The following RHEX variants were observed in gnomAD, a reference collection of about 807,000 sequenced individuals.
RHEX encodes the protein regulator of hemoglobinization and erythroid cell expansion protein.
RHEX carries 18 observed loss-of-function variants against 20.1 expected under a neutral mutation model. That is an observed-to-expected ratio of 0.90 (90% confidence interval 0.62 to 1.33). RHEX has a LOEUF of 1.33. RHEX is among the 40% of genes most tolerant of loss of function. The probability of loss-of-function intolerance (pLI) is 0.00; values close to 1 mark genes in which losing one functional copy is unlikely to be tolerated. For missense variants in RHEX, 192 were observed against 214.3 expected (o/e 0.90, Z 0.65); for synonymous variants, 87 against 77.1 (o/e 1.13, Z -0.67).
Position 206,101,878 on chromosome 1 carries a change from C to T in RHEX, c.445C>T (p.His149Tyr). 6.2e-7 allele frequency: 1 copy of T among 1,614,000 alleles called. No homozygotes were observed. The highest frequency in any genetic ancestry group is 8.5e-7 in the Non-Finnish European group (1 of 1,179,944). Reference sequence around the variant, plus strand: ...TTATGTCAATGTCAATCCAGAAAGACACAAGCCCAGTTTCTGGTATTTTGT... The same window carrying T: ...TTATGTCAATGTCAATCCAGAAAGATACAAGCCCAGTTTCTGGTATTTTGT... Reference protein sequence around the residue: ...TDYVNVNPERHKPSFWYFVNP... With the variant: ...TDYVNVNPERYKPSFWYFVNP... The change falls in exon 6 of 6, where the codon CAC (histidine) becomes TAC (tyrosine). Residue 149 changes from histidine to tyrosine, a missense_variant. Transcript: ENST00000331555.
intron 1 of RHEX, among the ~76,000 whole-genome samples, chr1:206,073,609 C>T (rs1553284887): frequency 6.6e-6 from 1 of 152,054 alleles, no homozygotes; most frequent in Non-Finnish European, 1.5e-5. Context: ...TACTGGGCCC[C>T]GTGTTCTCAA....
At chr1:206,057,982 C>CT (rs1481297553) in intron 1 of RHEX, among the ~76,000 whole-genome samples, 1 of 152,268 alleles carries the variant, frequency 6.6e-6, no homozygotes, top group Non-Finnish European at 1.5e-5. Flanking sequence ...TCAAAATAGA[C>CT]TAGCTCTTGA....
intron 1 of RHEX, among the ~76,000 whole-genome samples, chr1:206,082,820 T>G (rs1453930141): frequency 6.6e-6 from 1 of 152,192 alleles, no homozygotes; most frequent in Non-Finnish European, 1.5e-5. Context: ...AGCAAGGGAC[T>G]GACATCATAG....
intron 1 of RHEX, among the ~76,000 whole-genome samples, chr1:206,083,889 G>C (rs562125133): frequency 2.0e-5 from 3 of 152,238 alleles, no homozygotes; most frequent in East Asian, 3.9e-4. Context: ...TTGGGGCTTC[G>C]GCCAGAAGGT....
In RHEX at chr1:206,097,854, C is replaced by G. The variant is rs369042827; in HGVS notation, c.11+15C>G. ...ATGCTGACAGAGTGAGTGGGCCCAA[C>G]AAGAGCAGGAGCAAGGTTCCCACCA... On this transcript the variant is annotated intron_variant, in intron 2 of 5. Transcript: ENST00000331555. 1.7e-5 allele frequency: 26 copies of G among 1,568,924 alleles called. No homozygotes were observed. The highest frequency in any genetic ancestry group is 1.5e-4 in the Admixed American group (9 of 59,976).
chr1:206,072,985 G>C (rs1662564959), intron 1 of RHEX, among the ~76,000 whole-genome samples: 1 of 151,938 alleles, frequency 6.6e-6, no homozygotes, highest in Admixed American at 6.6e-5. Flanking sequence ...CTATAAGCGT[G>C]CACTACCATG....
rs189329595 is a variant in RHEX, at chr1:206,060,286, A to T, written c.-97+7021A>T. The T allele has an allele frequency of 2.0e-5, 3 of 152,352 alleles. No individual in the cohort carries two copies. The East Asian group carries it at 5.8e-4, about 29-fold the overall frequency. The allele number at this position is 152,352 out of a possible 1,614,324, so 9.4% of individuals were successfully genotyped here. A position where few individuals can be genotyped will look rare whatever the true frequency, so the allele number is the denominator to read the frequency against. ...TGTGCCCAATATATACTAAGTTCACAATAAACAGTAGCTAATATTACCATT... is the reference window on the plus strand; with the variant it reads ...TGTGCCCAATATATACTAAGTTCACTATAAACAGTAGCTAATATTACCATT... On this transcript the variant is annotated intron_variant, in intron 1 of 5. Coordinates refer to ENST00000331555, the MANE Select transcript of RHEX (RefSeq NM_001007544.4).
intron 1 of RHEX, among the ~76,000 whole-genome samples, chr1:206,084,688 A>C (rs551092420): frequency 1.3e-5 from 2 of 152,196 alleles, no homozygotes; most frequent in Non-Finnish European, 2.9e-5. Flanking sequence ...AAACTACCCA[A>C]TTAAATGCCT....
At chr1:206,072,335 G>T (rs1662551819) in intron 1 of RHEX, among the ~76,000 whole-genome samples, 1 of 152,212 alleles carries the variant, frequency 6.6e-6, no homozygotes, top group African/African-American at 2.4e-5. Flanking sequence ...CAGCACTTTG[G>T]GAGGCCGAGG....
At chr1:206,064,880 G>T (rs1425741381) in intron 1 of RHEX, among the ~76,000 whole-genome samples, 1 of 147,998 alleles carries the variant, frequency 6.8e-6, no homozygotes, top group Admixed American at 6.6e-5. Flanking sequence ...TGGTTGCCGT[G>T]TCTGTGTAGA....
intron 1 of RHEX, among the ~76,000 whole-genome samples, chr1:206,055,391 C>T (rs1553282463): frequency 1.3e-5 from 2 of 152,248 alleles, no homozygotes; most frequent in Non-Finnish European, 2.9e-5. Flanking sequence ...CTTTATTGGG[C>T]ACTCTGCCGA....
intron 1 of RHEX, 23 bp from the exon 2 acceptor site, chr1:206,097,710 G>T: frequency 1.9e-6 from 3 of 1,552,296 alleles, no homozygotes; most frequent in South Asian, 2.3e-5. Flanking sequence ...CTGGAGTCCT[G>T]ACCAGCTCCT....
intron 1 of RHEX, among the ~76,000 whole-genome samples, chr1:206,069,957 A>G (rs567170334): frequency 6.8e-4 from 103 of 152,308 alleles, no homozygotes; most frequent in Non-Finnish European, 1.2e-3. Context: ...TATTGTTTAC[A>G]TATGAAGATA....
chr1:206,074,026 A>T (rs1294240609), intron 1 of RHEX, among the ~76,000 whole-genome samples: 1 of 152,008 alleles, frequency 6.6e-6, no homozygotes, highest in African/African-American at 2.4e-5. Flanking sequence ...ACTGCCTCGT[A>T]CCCGCTCCCC....
intron 1 of RHEX, among the ~76,000 whole-genome samples, chr1:206,095,836 AT>A (rs554363894): frequency 0.016 from 2,383 of 146,600 alleles, 51 homozygotes; most frequent in African/African-American, 0.054. Flanking sequence ...ATTTGGGGTA[AT>A]TTTTTTTTTT....
At chr1:206,088,447 T>C (rs1196217797) in intron 1 of RHEX, among the ~76,000 whole-genome samples, 2 of 152,018 alleles carry the variant, frequency 1.3e-5, no homozygotes, top group Non-Finnish European at 1.5e-5. Context: ...CTTTGGGAGA[T>C]TGAGGTGGGT....
chr1:206,063,368 GCCTCTCCCTCTC>G (rs368021574), intron 1 of RHEX, among the ~76,000 whole-genome samples: 24 of 151,460 alleles, frequency 1.6e-4, no homozygotes, highest in African/African-American at 5.8e-4. Context: ...AGATTTTTCT[GCCTCTCCCTCTC>G]CCTCTCCCTC....
chr1:206,098,341 A>C, intron 3 of RHEX, 160 bp downstream of exon 3: 1 of 607,406 alleles, frequency 1.6e-6, no homozygotes. Flanking sequence ...TCCCCCCAAT[A>C]ACTGTATCTG....
intron 1 of RHEX, among the ~76,000 whole-genome samples, chr1:206,073,076 A>T (rs1662566083): frequency 6.6e-6 from 1 of 151,966 alleles, no homozygotes; most frequent in South Asian, 2.1e-4. Flanking sequence ...GGATTCAAGC[A>T]ATCCACCTAC....
Sources: gnomAD v4.1 joint callset for allele counts (sites outside exome capture counted in the v4.1 genomes callset) on GRCh38, gnomAD v4.1.1 for gene constraint, MANE v1.5 for transcripts, NCBI Gene and HGNC (gene_info 2026-07-23, HGNC 2026-07-21) for gene names.